PTTG1IP: variants seen among roughly 807,000 people sequenced by gnomAD.
PTTG1IP encodes PTTG1 interacting protein, also known as pituitary tumor-transforming gene 1 protein-interacting protein.
A neutral mutation model predicts 24.4 loss-of-function variants in PTTG1IP; 16 were observed. The ratio of observed to expected loss-of-function variants is 0.66; its 90% CI spans 0.44 to 1.00. The LOEUF is 1.00. Among genes scored for constraint, PTTG1IP ranks in the 50% least tolerant of loss-of-function variants. The pLI is 0.00. For missense variants in PTTG1IP, 241 were observed against 245.8 expected (o/e 0.98, Z 0.13); for synonymous variants, 89 against 96.8 (o/e 0.92, Z 0.47).
chr21:44,870,457 C>T (rs1246860875), intron 1 of PTTG1IP, among the ~76,000 whole-genome samples: 2 of 127,090 alleles, frequency 1.6e-5, no homozygotes, highest in Non-Finnish European at 3.1e-5. Flanking sequence ...ACCTGGGAGG[C>T]GGAGGTTGCA....
intron 1 of PTTG1IP, among the ~76,000 whole-genome samples, chr21:44,868,835 C>T (rs1294399452): frequency 6.6e-6 from 1 of 152,104 alleles, no homozygotes; most frequent in Non-Finnish European, 1.5e-5. Flanking sequence ...GGTCTGCCCC[C>T]GAAGATGCCA....
At position 44,867,256 on chromosome 21, in the gene PTTG1IP, CAGCGATAAAA is replaced by C. The variant is rs1459727539; in HGVS notation, c.116-1819_116-1810del. 2.6e-5 allele frequency among the ~76,000 whole-genome samples: 4 copies of C among 152,354 alleles called. No homozygotes were observed. The East Asian group carries it at 7.7e-4, about 29-fold the overall frequency. ...CGGCTGTGCAATCACTAACACTGTT[CAGCGATAAAA>C]AGAAACGAACTGCTCTATGTAAAAC... On this transcript the variant is annotated intron_variant, in intron 1 of 5. Coordinates refer to ENST00000330938, the MANE Select transcript of PTTG1IP (RefSeq NM_004339.4).
At chr21:44,852,900 C>T (rs573918508) in intron 5 of PTTG1IP, among the ~76,000 whole-genome samples, 26 of 152,274 alleles carry the variant, frequency 1.7e-4, no homozygotes, top group African/African-American at 4.6e-4. Flanking sequence ...TCTAACTAGC[C>T]GAGGCTTTCC....
At chr21:44,855,316 G>C in intron 4 of PTTG1IP, 60 bp from the exon 5 acceptor site, 1 of 1,531,214 alleles carries the variant, frequency 6.5e-7, no homozygotes. Flanking sequence ...GTAACTGCTA[G>C]ACACGCCCTT....
At chr21:44,865,672 T>C (rs1696823222) in intron 1 of PTTG1IP, 1 of 605,216 alleles carries the variant, frequency 1.7e-6, no homozygotes, top group African/African-American at 1.8e-5. Context: ...GCACAAAGAG[T>C]ATAAACATGC....
intron 5 of PTTG1IP, among the ~76,000 whole-genome samples, chr21:44,854,670 C>G (rs114032698): frequency 6.6e-6 from 1 of 152,236 alleles, no homozygotes; most frequent in African/African-American, 2.4e-5. Context: ...AAGGTTTACA[C>G]TTGGCAAATA....
Position 44,851,445 on chromosome 21 carries a change from G to A in PTTG1IP, c.*136C>T, listed in dbSNP as rs772001725. On this transcript the variant is annotated 3_prime_UTR_variant, in exon 6 of 6. Transcript: ENST00000330938. ...GACTGTCCTTCAGGGGCAGCTCTCC[G>A]GCCGCCTGTCCTGGAAGGCTGGCAG... 3.6e-5 allele frequency: 57 copies of A among 1,605,348 alleles called. No homozygotes were observed. Among genetic ancestry groups the A allele is most frequent in the Admixed American group, 1.2e-4 (7 of 59,558 alleles).
intron 5 of PTTG1IP, among the ~76,000 whole-genome samples, chr21:44,851,916 CCA>C (rs1446384977): frequency 6.6e-6 from 1 of 152,194 alleles, no homozygotes; most frequent in Non-Finnish European, 1.5e-5. Context: ...GTATTTCTTT[CCA>C]CAGTGGTTGG....
At chr21:44,863,277 G>C (rs1436004701) in intron 2 of PTTG1IP, among the ~76,000 whole-genome samples, 4 of 76,668 alleles carry the variant, frequency 5.2e-5, no homozygotes, top group African/African-American at 3.0e-4. Flanking sequence ...CGGCAACACA[G>C]AGACACACAG....
chr21:44,861,268 G>C lies in PTTG1IP; in HGVS notation c.172C>G (p.Leu58Val). The change falls in exon 3 of 6, where the codon CTT (leucine) becomes GTT (valine). Residue 58 changes from leucine to valine, a missense_variant. By Grantham distance (32) the Leu-to-Val change is conservative. Transcript: ENST00000330938. ...CAAGCCTTGTTAGTGTTGCACCAAA[G>C]ACACTGAAAGAGACCAACATTAAGC... ...CEECLKNVSC[L>V]WCNTNKACLD... 1 of 1,610,178 alleles carries C rather than the reference G, an allele frequency of 6.2e-7. No individual in the cohort carries two copies. The highest frequency in any genetic ancestry group is 1.3e-5 in the African/African-American group (1 of 74,834).
intron 5 of PTTG1IP, among the ~76,000 whole-genome samples, chr21:44,853,039 C>T (rs1359994295): frequency 6.6e-6 from 1 of 152,256 alleles, no homozygotes; most frequent in East Asian, 1.9e-4. Context: ...ACACAGAAGA[C>T]ACCACTCCAA....
intron 2 of PTTG1IP, among the ~76,000 whole-genome samples, chr21:44,863,754 G>A (rs235280): frequency 0.71 from 108,278 of 152,216 alleles, 39,699 homozygotes; most frequent in African/African-American, 0.9. Flanking sequence ...CATTAGAGCA[G>A]GTTCAACATC....
rs759582287 is a variant in PTTG1IP, at chr21:44,856,238, T to G, written c.404A>C (p.Lys135Thr). The G allele has an allele frequency of 3.7e-6, 6 of 1,614,138 alleles. No homozygotes were observed. In the South Asian group the frequency reaches 5.5e-5, roughly 15 times the overall value. ...CCTCTCCTCCCGCTCACGCATGGCC[T>G]TCTCCTCACTCCTGTCCGGCTTCCG... ...RSRKPDRSEE[K>T]AMREREERRI... The change falls in exon 4 of 6, where the codon AAG (lysine) becomes ACG (threonine). Residue 135 changes from lysine (K) to threonine (T), a missense_variant. Physicochemically the swap from Lys to Thr is moderately conservative, Grantham distance 78. Transcript: ENST00000330938.
chr21:44,854,524 T>C (rs1044010405), intron 5 of PTTG1IP, among the ~76,000 whole-genome samples: 1 of 152,144 alleles, frequency 6.6e-6, no homozygotes, highest in African/African-American at 2.4e-5. Context: ...ACTAGACTCT[T>C]TGCGGACTTT....
At position 44,871,154 on chromosome 21, in the gene PTTG1IP, A is replaced by G. The variant is rs1286708999; in HGVS notation, c.115+2348T>C. Among the ~76,000 whole-genome samples the G allele has an allele frequency of 2.0e-5, 3 of 152,286 alleles. No individual in the cohort carries two copies. The East Asian group carries it at 5.8e-4, about 29-fold the overall frequency. On this transcript the variant is annotated intron_variant, in intron 1 of 5. Coordinates refer to ENST00000330938, the MANE Select transcript of PTTG1IP (RefSeq NM_004339.4). Reference sequence around the variant, plus strand: ...CTTGGAAACTCCACTATTTCAAAAGAAAGAGTTGAAGACTAGGAGTATGTA... The same window carrying G: ...CTTGGAAACTCCACTATTTCAAAAGGAAGAGTTGAAGACTAGGAGTATGTA...
chr21:44,868,060 C>T (rs938934281), intron 1 of PTTG1IP, among the ~76,000 whole-genome samples: 4 of 152,206 alleles, frequency 2.6e-5, no homozygotes, highest in South Asian at 2.1e-4. Context: ...GGAGAAGTTT[C>T]TTTTAAGCCA....
intron 1 of PTTG1IP, among the ~76,000 whole-genome samples, chr21:44,867,538 G>A (rs1262133384): frequency 6.6e-6 from 1 of 152,170 alleles, no homozygotes; most frequent in South Asian, 2.1e-4. Flanking sequence ...ACATATTCCC[G>A]TAAGAAAAAT....
At chr21:44,865,649 C>T (rs1177715683) in intron 1 of PTTG1IP, 5 of 624,366 alleles carry the variant, frequency 8.0e-6, no homozygotes, top group Admixed American at 5.0e-5. Flanking sequence ...TCAGGAACCC[C>T]GCTGCAGGCA....
chr21:44,872,073 G>A (rs1277680224), intron 1 of PTTG1IP, among the ~76,000 whole-genome samples: 3 of 152,124 alleles, frequency 2.0e-5, no homozygotes, highest in Non-Finnish European at 4.4e-5. Context: ...TGACACTCCC[G>A]CTTTCACAAT....
Sources: allele counts gnomAD v4.1 joint callset (sites outside exome capture counted in the v4.1 genomes callset), GRCh38; gene constraint gnomAD v4.1.1; transcripts MANE v1.5; gene names NCBI Gene and HGNC (gene_info 2026-07-23, HGNC 2026-07-21).